The following DYNC1LI1 variants were observed in gnomAD, a reference collection of about 807,000 sequenced individuals.
DYNC1LI1 encodes dynein cytoplasmic 1 light intermediate chain 1, also known as cytoplasmic dynein 1 light intermediate chain 1.
A neutral mutation model predicts 63.8 loss-of-function variants in DYNC1LI1; 19 were observed. That is an observed-to-expected ratio of 0.30 (90% CI 0.21 to 0.44). The LOEUF (loss-of-function observed/expected upper bound fraction) is 0.44. Among genes scored for constraint, DYNC1LI1 ranks in the 20% least tolerant of loss-of-function variants. The pLI, the probability that DYNC1LI1 is intolerant of heterozygous loss-of-function variation, is 1.00. For missense variants in DYNC1LI1, 565 were observed against 630.2 expected, an observed-to-expected ratio of 0.90 and a Z score of 1.11; for synonymous variants, 225 against 232.3, an observed-to-expected ratio of 0.97 and a Z score of 0.28.
chr3:32,533,048 A>C lies in DYNC1LI1; in HGVS notation c.1018T>G (p.Phe340Val). ...DKKIGILHEN[F>V]QTLKAEDNFE... ...TTATCTTCTGCTTTTAATGTTTGAAAATTTTCATGTAATATTCCTATTTTC... is the reference window on the plus strand; with the variant it reads ...TTATCTTCTGCTTTTAATGTTTGAACATTTTCATGTAATATTCCTATTTTC... Residue 340 changes from phenylalanine to valine, a missense_variant, in exon 8 of 13, where the codon TTT becomes GTT. Coordinates refer to ENST00000273130, the MANE Select transcript of DYNC1LI1 (RefSeq NM_016141.4). The C allele has an allele frequency of 6.2e-7, 1 of 1,604,628 alleles. No homozygotes were observed. Among genetic ancestry groups the C allele is most frequent in the East Asian group, 2.3e-5 (1 of 44,404 alleles).
At chr3:32,559,058 CTT>C (rs113088362) in intron 2 of DYNC1LI1, among the ~76,000 whole-genome samples, 22 of 141,558 alleles carry the variant, frequency 1.6e-4, no homozygotes, top group Admixed American at 1.4e-4. Context: ...ATTACTACTA[CTT>C]TTTTTTTTTT....
intron 4 of DYNC1LI1, among the ~76,000 whole-genome samples, chr3:32,543,930 G>A (rs1697916869): frequency 6.6e-6 from 1 of 151,312 alleles, no homozygotes; most frequent in Admixed American, 6.6e-5. Context: ...GCCAGGCATG[G>A]TGGTACGTGC....
intron 2 of DYNC1LI1, among the ~76,000 whole-genome samples, chr3:32,568,090 C>T (rs1440458455): frequency 1.3e-5 from 2 of 152,148 alleles, no homozygotes; most frequent in Non-Finnish European, 2.9e-5. Context: ...CACCCCTCGG[C>T]CTCCCAAAAT....
chr3:32,557,566 T>C (rs1191477029), intron 2 of DYNC1LI1, among the ~76,000 whole-genome samples: 1 of 151,328 alleles, frequency 6.6e-6, no homozygotes, highest in African/African-American at 2.4e-5. Context: ...AATAAATAAA[T>C]AGAAGTAAAA....
intron 2 of DYNC1LI1, among the ~76,000 whole-genome samples, chr3:32,551,840 C>G (rs773763871): frequency 2.0e-5 from 3 of 152,124 alleles, no homozygotes; most frequent in Non-Finnish European, 1.5e-5. Context: ...CTATCCCTAC[C>G]CAACATTTGT....
chr3:32,555,942 C>T (rs994107786), intron 2 of DYNC1LI1, among the ~76,000 whole-genome samples: 1 of 152,110 alleles, frequency 6.6e-6, no homozygotes, highest in Non-Finnish European at 1.5e-5. Context: ...TTGGAATTTT[C>T]GTAAGATGTG....
At chr3:32,551,319 A>C (rs1222104577) in intron 2 of DYNC1LI1, among the ~76,000 whole-genome samples, 1 of 152,216 alleles carries the variant, frequency 6.6e-6, no homozygotes, top group Non-Finnish European at 1.5e-5. Context: ...AAGTAAGAAC[A>C]CATGAAAAAA....
chr3:32,533,811 C>T (rs1304385804), intron 7 of DYNC1LI1, among the ~76,000 whole-genome samples: 1 of 151,934 alleles, frequency 6.6e-6, no homozygotes, highest in East Asian at 1.9e-4. Context: ...ATCCTTCCAC[C>T]TCAGCCTCCC....
At chr3:32,555,226 T>C (rs1698096802) in intron 2 of DYNC1LI1, among the ~76,000 whole-genome samples, 1 of 152,198 alleles carries the variant, frequency 6.6e-6, no homozygotes, top group Admixed American at 6.5e-5. Flanking sequence ...CATTTCTTCT[T>C]TTCATACATC....
rs558043870 is a variant in DYNC1LI1, at chr3:32,526,079, A to ATG, written c.*718_*719dup. The ATG allele has an allele frequency of 3.3e-4, 51 of 152,466 alleles. No individual in the cohort carries two copies. Among genetic ancestry groups the ATG allele is most frequent in the African/African-American group, 1.2e-3 (51 of 41,502 alleles). The allele number at this position is 152,466 out of a possible 1,614,324, so 9.4% of individuals were successfully genotyped here. ...GGCAAAGCCATATATATATATATAT[A>ATG]TGTATAGACAAATCCAAAGATTGTT... On this transcript the variant is annotated 3_prime_UTR_variant, in exon 13 of 13. Coordinates refer to ENST00000273130, the MANE Select transcript of DYNC1LI1 (RefSeq NM_016141.4).
At chr3:32,566,965 G>A (rs975226325) in intron 2 of DYNC1LI1, among the ~76,000 whole-genome samples, 1 of 152,142 alleles carries the variant, frequency 6.6e-6, no homozygotes, top group African/African-American at 2.4e-5. Context: ...TAGACTTTTT[G>A]GATTTCATTA....
chr3:32,541,836 C>T (rs1382676578), intron 4 of DYNC1LI1, among the ~76,000 whole-genome samples: 1 of 152,138 alleles, frequency 6.6e-6, no homozygotes, highest in African/African-American at 2.4e-5. Context: ...AATTACTCGC[C>T]TAGGAATTCT....
At chr3:32,551,523 T>G (rs1698039019) in intron 2 of DYNC1LI1, among the ~76,000 whole-genome samples, 1 of 152,232 alleles carries the variant, frequency 6.6e-6, no homozygotes, top group Admixed American at 6.5e-5. Flanking sequence ...ACTGGCACAG[T>G]TTAGGTACTT....
At chr3:32,542,989 A>G (rs1019299396) in intron 4 of DYNC1LI1, among the ~76,000 whole-genome samples, 4 of 152,210 alleles carry the variant, frequency 2.6e-5, no homozygotes, top group African/African-American at 9.7e-5. Context: ...GTCAAATTTT[A>G]TCATGCACCA....
chr3:32,567,452 G>C (rs958321369), intron 2 of DYNC1LI1, among the ~76,000 whole-genome samples: 3 of 152,038 alleles, frequency 2.0e-5, no homozygotes, highest in African/African-American at 7.2e-5. Context: ...AGTACTTAGG[G>C]CTATATCATT....
At chr3:32,551,270 T>C (rs1372839769) in intron 2 of DYNC1LI1, among the ~76,000 whole-genome samples, 1 of 152,180 alleles carries the variant, frequency 6.6e-6, no homozygotes, top group African/African-American at 2.4e-5. Flanking sequence ...AGTCAAATCT[T>C]GTACAGTTAA....
At chr3:32,538,793 T>C (rs1156884350) in intron 5 of DYNC1LI1, among the ~76,000 whole-genome samples, 25 of 151,858 alleles carry the variant, frequency 1.6e-4, no homozygotes, top group Admixed American at 1.6e-3. Flanking sequence ...CTAAGAGAAA[T>C]CTCCATTTCC....
At chr3:32,553,860 G>A (rs980084073) in intron 2 of DYNC1LI1, among the ~76,000 whole-genome samples, 14 of 152,216 alleles carry the variant, frequency 9.2e-5, no homozygotes, top group African/African-American at 3.4e-4. Flanking sequence ...TAATGCCAAG[G>A]CACATTCTTC....
At chr3:32,529,051 CTCTTAT>C (rs1697660258) in intron 11 of DYNC1LI1, among the ~76,000 whole-genome samples, 1 of 152,040 alleles carries the variant, frequency 6.6e-6, no homozygotes, top group African/African-American at 2.4e-5. Flanking sequence ...AGAGGAAAAA[CTCTTAT>C]TAGGTAGTAT....
Sources: allele counts gnomAD v4.1 joint callset (sites outside exome capture counted in the v4.1 genomes callset), GRCh38; gene constraint gnomAD v4.1.1; transcripts MANE v1.5; gene names NCBI Gene and HGNC (gene_info 2026-07-23, HGNC 2026-07-21).